Variants in GABRA5 observed in about 807,000 individuals in gnomAD.
The protein encoded by GABRA5 is gamma-aminobutyric acid type A receptor subunit alpha5.
GABRA5 carries 18 observed loss-of-function variants against 47.3 expected under a neutral mutation model. The ratio of observed to expected loss-of-function variants is 0.38; its 90% CI spans 0.26 to 0.56. The LOEUF (loss-of-function observed/expected upper bound fraction) is 0.56, where lower values mean the gene tolerates loss of function less well. Among genes scored for constraint, GABRA5 ranks in the 20% least tolerant of loss-of-function variants. GABRA5 has a pLI of 0.71. For synonymous variants in GABRA5, 237 were observed against 229.3 expected (o/e 1.03, Z -0.30); for missense variants, 365 against 599.3 (o/e 0.61, Z 4.08).
chr15:26,929,804 C>T (rs1894048385), intron 7 of GABRA5, among the ~76,000 whole-genome samples: 1 of 152,144 alleles, frequency 6.6e-6, no homozygotes, highest in South Asian at 2.1e-4. Context: ...CCCTCCTTTG[C>T]ATTCTCCCAT....
At chr15:26,944,481 T>C (rs1056485084) in intron 10 of GABRA5, among the ~76,000 whole-genome samples, 1 of 152,094 alleles carries the variant, frequency 6.6e-6, no homozygotes, top group Admixed American at 6.5e-5. Flanking sequence ...TTCTGGGTGC[T>C]CTCATGAAGG....
Position 26,928,791 on chromosome 15 carries a change from A to G in GABRA5, c.581-8394A>G, listed in dbSNP as rs1340659712. ...TATTTCTCACAGTTCTGGAGGCTGG[A>G]AAGTTTTGGATCAAGTTACCAACAG... On this transcript the variant is annotated intron_variant, in intron 7 of 10. Transcript: ENST00000335625. Among the ~76,000 whole-genome samples the G allele has an allele frequency of 2.0e-5, 3 of 152,314 alleles. No individual in the cohort carries two copies. In the East Asian group the frequency reaches 5.8e-4, roughly 29 times the overall value.
At chr15:26,907,293 A>G (rs1477627913) in intron 6 of GABRA5, among the ~76,000 whole-genome samples, 1 of 152,240 alleles carries the variant, frequency 6.6e-6, no homozygotes, top group Non-Finnish European at 1.5e-5. Flanking sequence ...CTTATTTGAA[A>G]GACTTTAAAA....
rs1433404717 is a variant in GABRA5 at position 26,883,442 on chromosome 15, A to G, written c.382A>G (p.Ile128Val). The G allele has an allele frequency of 6.2e-7, 1 of 1,614,200 alleles. No homozygotes were observed. The highest frequency in any genetic ancestry group is 8.5e-7 in the Non-Finnish European group (1 of 1,180,012). Residue 128 changes from isoleucine (I) to valine (V), a missense_variant, in exon 6 of 11, where the codon ATC becomes GTC. By Grantham distance (29) the Ile-to-Val change is conservative (BLOSUM62 3). Transcript: ENST00000335625. This position sits in a 1 kb window ranked among gnomAD's most constrained non-coding sequence, Gnocchi z 4.8. ...TCTCAACAACCTCCTTGCCAGCAAG[A>G]TCTGGACCCCAGACACGTTCTTCCA... The part of the protein sequence containing the change: ...LPLNNLLASK[I>V]WTPDTFFHNG...
intron 3 of GABRA5, among the ~76,000 whole-genome samples, chr15:26,873,995 A>G (rs7166765): frequency 0.37 from 55,611 of 152,200 alleles, 10,328 homozygotes; most frequent in African/African-American, 0.43. Flanking sequence ...AACTTTCAGC[A>G]TGTTCAGCAG....
intron 7 of GABRA5, among the ~76,000 whole-genome samples, chr15:26,934,616 T>G (rs2098392804): frequency 6.6e-6 from 1 of 151,722 alleles, no homozygotes. Context: ...TACTCGACAT[T>G]CACATATCCA....
At position 26,939,987 on chromosome 15, in the gene GABRA5, C is replaced by A; in HGVS notation, c.787C>A (p.Gln263Lys). 6.2e-7 allele frequency: 1 copy of A among 1,613,958 alleles called. No homozygotes were observed. Among genetic ancestry groups the A allele is most frequent in the South Asian group, 1.1e-5 (1 of 91,084 alleles). Residue 263 changes from glutamine to lysine, a missense_variant, in exon 9 of 11, where the codon CAG becomes AAG. Around this residue, in one of 3 missense-constraint regions of GABRA5, gnomAD observed 43 missense variants for 133.7 expected, o/e 0.32. Transcript: ENST00000335625. ...AAGGAAGATTGGCTACTTTGTCATCCAGACCTACCTTCCCTGCATAATGAC... is the reference window on the plus strand; with the variant it reads ...AAGGAAGATTGGCTACTTTGTCATCAAGACCTACCTTCCCTGCATAATGAC... ...LKRKIGYFVI[Q>K]TYLPCIMTVI... is the part of the protein sequence containing the mutation.
chr15:26,906,498 G>A (rs1221568887), intron 6 of GABRA5, among the ~76,000 whole-genome samples: 2 of 152,010 alleles, frequency 1.3e-5, no homozygotes, highest in Admixed American at 6.6e-5. Flanking sequence ...TCCAGCCCTG[G>A]GCATGCACGT....
intron 7 of GABRA5, among the ~76,000 whole-genome samples, chr15:26,929,325 G>A (rs192275506): frequency 3.3e-5 from 5 of 152,328 alleles, no homozygotes; most frequent in Admixed American, 1.3e-4. Flanking sequence ...AGTGAGAGGT[G>A]CAGAGAAAGT....
At chr15:26,895,083 C>G (rs1490524145) in intron 6 of GABRA5, among the ~76,000 whole-genome samples, 1 of 151,908 alleles carries the variant, frequency 6.6e-6, no homozygotes, top group Non-Finnish European at 1.5e-5. Flanking sequence ...GTATGGATGG[C>G]TCCTTTTCGT....
chr15:26,940,564 C>A (rs950365106), intron 9 of GABRA5, among the ~76,000 whole-genome samples: 1 of 152,050 alleles, frequency 6.6e-6, no homozygotes, highest in East Asian at 1.9e-4. Context: ...GATTCTGTAG[C>A]GTTTCAGGTT....
intron 9 of GABRA5, among the ~76,000 whole-genome samples, chr15:26,940,304 T>G (rs775862695): frequency 1.2e-4 from 18 of 152,222 alleles, no homozygotes; most frequent in Non-Finnish European, 2.4e-4. Context: ...TGATAGTTAT[T>G]TACTTGTTGA....
chr15:26,928,446 C>G (rs955864018), intron 7 of GABRA5, among the ~76,000 whole-genome samples: 2 of 152,098 alleles, frequency 1.3e-5, no homozygotes, highest in African/African-American at 4.8e-5. Context: ...GTTAGTTACC[C>G]TTGGTTGTCA....
At chr15:26,937,024 G>T (rs1472870860) in intron 7 of GABRA5, among the ~76,000 whole-genome samples, 161 bp from the exon 8 acceptor site, 1 of 152,156 alleles carries the variant, frequency 6.6e-6, no homozygotes, top group Non-Finnish European at 1.5e-5. Context: ...CTGCAGTGGC[G>T]TCTGCCCTGG....
chr15:26,917,053 C>T (rs148994251), intron 7 of GABRA5, among the ~76,000 whole-genome samples: 53 of 152,018 alleles, frequency 3.5e-4, no homozygotes, highest in African/African-American at 1.3e-3. Flanking sequence ...GATTTGGATG[C>T]CTTTTATTTC....
chr15:26,903,911 G>C (rs1039147435), intron 6 of GABRA5, among the ~76,000 whole-genome samples: 13 of 151,846 alleles, frequency 8.6e-5, no homozygotes, highest in African/African-American at 2.7e-4. Context: ...TCATTCTATA[G>C]GTTGTCTGCC....
chr15:26,869,669 T>G (rs1182220210), intron 3 of GABRA5, among the ~76,000 whole-genome samples: 1 of 152,268 alleles, frequency 6.6e-6, no homozygotes, highest in Non-Finnish European at 1.5e-5. Context: ...TGAAGGACAG[T>G]CACTGCTTGT....
chr15:26,938,632 G>C (rs1894303892), intron 8 of GABRA5, among the ~76,000 whole-genome samples: 1 of 152,204 alleles, frequency 6.6e-6, no homozygotes, highest in Admixed American at 6.5e-5. Context: ...TGGATCACCA[G>C]TAGAGATCCA....
Position 26,883,332 on chromosome 15 carries a change from A to G in GABRA5, c.277-5A>G. The G allele has an allele frequency of 6.2e-7, 1 of 1,613,820 alleles. No homozygotes were observed. The highest frequency in any genetic ancestry group is 8.5e-7 in the Non-Finnish European group (1 of 1,179,812). ...CTGACTGCCTCGTGCCTTCCTTTCC[A>G]CTAGGAGTACACCATAGACGTGTTT... On this transcript the variant is annotated splice_polypyrimidine_tract_variant and splice_region_variant and intron_variant, in intron 5 of 10. Transcript: ENST00000335625. The surrounding 1 kb of genome is among the most constrained non-coding windows in gnomAD (Gnocchi z 4.8).
Sources: gnomAD v4.1 joint callset for allele counts (sites outside exome capture counted in the v4.1 genomes callset) on GRCh38, gnomAD v4.1.1 for gene constraint, gnomAD v4.1.1 regional missense constraint, Gnocchi (gnomAD v3.1) non-coding constraint, MANE v1.5 for transcripts, NCBI Gene and HGNC (gene_info 2026-07-23, HGNC 2026-07-21) for gene names.